The following COL5A1 variants were observed in gnomAD, a reference collection of about 807,000 sequenced individuals.
COL5A1 encodes collagen alpha-1(V) chain.
A neutral mutation model predicts 263.7 loss-of-function variants in COL5A1; 16 were observed. The observed-to-expected ratio is 0.06, with a 90% CI of 0.04 to 0.09. COL5A1 has a LOEUF of 0.09. COL5A1 is among the 10% of genes least tolerant of loss of function. The pLI, the probability that COL5A1 is intolerant of heterozygous loss-of-function variation, is 1.00. For synonymous variants in COL5A1, 1,012 were observed against 1,004.5 expected (o/e 1.01, Z -0.14); for missense variants, 2,036 against 2,540.5 (o/e 0.80, Z 4.27).
intron 1 of COL5A1, among the ~76,000 whole-genome samples, chr9:134,672,084 A>G (rs1832555034): frequency 6.6e-6 from 1 of 152,252 alleles, no homozygotes; most frequent in Non-Finnish European, 1.5e-5. Flanking sequence ...AAAATTGCCC[A>G]TTATCAAGGC....
At chr9:134,788,029 A>G (rs1280127693) in intron 31 of COL5A1, among the ~76,000 whole-genome samples, 1 of 152,104 alleles carries the variant, frequency 6.6e-6, no homozygotes, top group Non-Finnish European at 1.5e-5. Context: ...AGATGGATGA[A>G]TGGGTAGGTA....
At position 134,710,002 on chromosome 9, in the gene COL5A1, C is replaced by T. The variant is rs144711833; in HGVS notation, c.654+8669C>T. Among the ~76,000 whole-genome samples, 1,229 of 152,294 alleles carry T rather than the reference C, an allele frequency of 8.1e-3. 11 individuals are homozygous for T. The highest frequency in any genetic ancestry group is 0.025 in the African/African-American group (1,035 of 41,570). On this transcript the variant is annotated intron_variant, in intron 4 of 65. Transcript: ENST00000371817. Reference sequence around the variant, plus strand: ...GGAGGAGCTGCCCTCACACGGCTGACGGGCGAGGGGGCCCACGAACGTGAT... The same window carrying T: ...GGAGGAGCTGCCCTCACACGGCTGATGGGCGAGGGGGCCCACGAACGTGAT...
At chr9:134,834,827 G>T in intron 64 of COL5A1, 144 bp from the exon 65 acceptor site, 1 of 663,398 alleles carries the variant, frequency 1.5e-6, no homozygotes, top group East Asian at 2.7e-5. Context: ...GCTGGCCTCG[G>T]CCGGGTCTGT....
intron 52 of COL5A1, 95 bp from the exon 53 acceptor site, chr9:134,816,931 C>T (rs1257087441): frequency 1.1e-5 from 13 of 1,159,790 alleles, no homozygotes; most frequent in Admixed American, 3.4e-5. Context: ...CAGGGCTGGC[C>T]GAGGAGTAAA....
At chr9:134,746,410 A>C (rs182534394) in intron 11 of COL5A1, among the ~76,000 whole-genome samples, 1 of 152,306 alleles carries the variant, frequency 6.6e-6, no homozygotes, top group Admixed American at 6.5e-5. Context: ...TTCTCTGCTC[A>C]CTGCTTTGAC....
At chr9:134,724,822 G>A (rs1390727360) in intron 4 of COL5A1, among the ~76,000 whole-genome samples, 3 of 152,142 alleles carry the variant, frequency 2.0e-5, no homozygotes, top group African/African-American at 7.2e-5. Flanking sequence ...GGCGGGGGAG[G>A]TGGTGCCTCT....
chr9:134,767,735 CTG>C (rs1836727927), intron 24 of COL5A1, among the ~76,000 whole-genome samples: 1 of 152,212 alleles, frequency 6.6e-6, no homozygotes, highest in African/African-American at 2.4e-5. Flanking sequence ...GGCAACTTGA[CTG>C]TATCTCCAGA....
chr9:134,702,138 G>A (rs748092767), intron 4 of COL5A1, among the ~76,000 whole-genome samples: 7 of 152,214 alleles, frequency 4.6e-5, no homozygotes, highest in Admixed American at 2.6e-4. Flanking sequence ...CAAGGGCACT[G>A]CAGTGACCGT....
intron 32 of COL5A1, among the ~76,000 whole-genome samples, chr9:134,792,107 G>A (rs1356464970): frequency 1.3e-5 from 2 of 151,692 alleles, no homozygotes; most frequent in Admixed American, 6.6e-5. Context: ...GTGAGGAGCC[G>A]GGGGCCGGCA....
At chr9:134,760,350 C>T (rs1347943903) in intron 18 of COL5A1, among the ~76,000 whole-genome samples, 1 of 105,922 alleles carries the variant, frequency 9.4e-6, no homozygotes, top group Non-Finnish European at 1.8e-5. Context: ...CACCCCCACA[C>T]ACCCCCACAC....
chr9:134,654,809 A>T (rs1464653998), intron 1 of COL5A1, among the ~76,000 whole-genome samples: 6 of 75,518 alleles, frequency 7.9e-5, no homozygotes, highest in African/African-American at 3.2e-4. Flanking sequence ...GTGTGTGTTT[A>T]GGGCGGGGTT....
intron 4 of COL5A1, chr9:134,709,075 G>C: frequency 2.5e-6 from 1 of 397,126 alleles, no homozygotes; most frequent in Admixed American, 2.7e-5. Flanking sequence ...TCCATCTGCA[G>C]TGATCTTATT....
chr9:134,722,010 C>A (rs767906986), intron 4 of COL5A1, among the ~76,000 whole-genome samples: 1 of 152,248 alleles, frequency 6.6e-6, no homozygotes. Flanking sequence ...TTAGCACCTG[C>A]GCCTCGGTTT....
At chr9:134,780,043 G>T (rs138774522) in intron 27 of COL5A1, 59 bp from the exon 28 acceptor site, 1 of 1,596,980 alleles carries the variant, frequency 6.3e-7, no homozygotes, top group African/African-American at 1.3e-5. Flanking sequence ...GCCTGCGACA[G>T]CTCTAGAAAG....
chr9:134,830,275 A>G, intron 64 of COL5A1: 2 of 1,279,788 alleles, frequency 1.6e-6, no homozygotes, highest in Non-Finnish European at 2.2e-6. Flanking sequence ...TGTGTGCCAC[A>G]CCGCTCTTGC....
intron 37 of COL5A1, among the ~76,000 whole-genome samples, chr9:134,799,376 A>G (rs1838030050): frequency 1.3e-5 from 2 of 152,240 alleles, no homozygotes; most frequent in African/African-American, 4.8e-5. Context: ...GGGGACGTGC[A>G]GTGTCGGGTG....
chr9:134,700,250 G>A lies in COL5A1; in HGVS notation c.491+128G>A, dbSNP rs1055339598. The A allele has an allele frequency of 1.2e-5, 10 of 860,862 alleles. No individual in the cohort carries two copies. The highest frequency in any genetic ancestry group is 2.7e-5 in the East Asian group (1 of 37,628). 53.3% of individuals were successfully genotyped at this position (860,862 alleles called of 1,614,324 possible). On this transcript the variant is annotated intron_variant, in intron 3 of 65. Transcript: ENST00000371817. This position sits in a 1 kb window ranked among gnomAD's most constrained non-coding sequence, Gnocchi z 4.0. ...CGGTACTGAGACTCCCACAGACGCC[G>A]CAGCAGAGGAGAGGGTGCTGGGCTT...
chr9:134,794,055 C>T lies in COL5A1; in HGVS notation c.2701-1027C>T, dbSNP rs912963107. Among the ~76,000 whole-genome samples, 5 of 152,096 alleles carry T rather than the reference C, an allele frequency of 3.3e-5. No homozygotes were observed. In the South Asian group the frequency reaches 6.2e-4, roughly 19 times the overall value. ...GAAACCAGTCAAGTTCAGCCAGGCA[C>T]GGTGGCTCACGCTTGTAATCCCAGC... On this transcript the variant is annotated intron_variant, in intron 32 of 65. Coordinates refer to ENST00000371817, the MANE Select transcript of COL5A1 (RefSeq NM_000093.5). This position sits in a 1 kb window ranked among gnomAD's most constrained non-coding sequence, Gnocchi z 4.3.
At chr9:134,730,554 C>T (rs1462029163) in intron 7 of COL5A1, 79 bp downstream of exon 7, 11 of 1,590,154 alleles carry the variant, frequency 6.9e-6, no homozygotes, top group Admixed American at 1.7e-5. Flanking sequence ...GCTGAGCTCC[C>T]TTCTTACTCC....
Sources: gnomAD v4.1 joint callset for allele counts (sites outside exome capture counted in the v4.1 genomes callset) on GRCh38, gnomAD v4.1.1 for gene constraint, Gnocchi (gnomAD v3.1) non-coding constraint, MANE v1.5 for transcripts, NCBI Gene and HGNC (gene_info 2026-07-23, HGNC 2026-07-21) for gene names.